The following FAP variants were observed in gnomAD, a reference collection of about 807,000 sequenced individuals.
The protein encoded by FAP is fibroblast activation protein alpha.
Under a neutral mutation model 126.5 loss-of-function variants are expected in FAP, and 110 were observed. That is an observed-to-expected ratio of 0.87 (90% CI 0.74 to 1.02). The LOEUF is 1.02. FAP is among the 50% of genes least tolerant of loss of function. The pLI is 0.00. For synonymous variants in FAP, 334 were observed against 297.3 expected, an observed-to-expected ratio of 1.12 and a Z score of -1.27; for missense variants, 919 against 909.2, an observed-to-expected ratio of 1.01 and a Z score of -0.14.
intron 19 of FAP, 40 bp from the exon 20 acceptor site, chr2:162,188,403 T>C (rs1687927475): frequency 6.4e-6 from 10 of 1,567,158 alleles, no homozygotes; most frequent in East Asian, 2.3e-5. Flanking sequence ...TTTGATTGCT[T>C]TGTAAAACTC....
chr2:162,197,771 C>T, intron 16 of FAP: 2 of 384,824 alleles, frequency 5.2e-6, no homozygotes, highest in Non-Finnish European at 1.0e-5. Flanking sequence ...GTCAAAGATT[C>T]CATTTGTTCT....
intron 2 of FAP, among the ~76,000 whole-genome samples, chr2:162,234,955 G>A (rs910658646): frequency 1.3e-5 from 2 of 152,124 alleles, no homozygotes; most frequent in African/African-American, 2.4e-5. Context: ...CACTCCCAGC[G>A]GCCCGGGCAG....
intron 2 of FAP, among the ~76,000 whole-genome samples, chr2:162,227,173 G>T (rs1313615256): frequency 6.6e-6 from 1 of 152,116 alleles, no homozygotes; most frequent in Non-Finnish European, 1.5e-5. Flanking sequence ...TCTCAAGAAA[G>T]ACATTATGAA....
intron 20 of FAP, among the ~76,000 whole-genome samples, chr2:162,186,030 G>T (rs769426533): frequency 2.0e-5 from 3 of 152,100 alleles, no homozygotes; most frequent in Non-Finnish European, 2.9e-5. Flanking sequence ...TTTGCATGGG[G>T]CCACGCAGCT....
chr2:162,201,971 A>G (rs543894381), intron 14 of FAP, among the ~76,000 whole-genome samples: 1 of 152,330 alleles, frequency 6.6e-6, no homozygotes, highest in South Asian at 2.1e-4. Context: ...TGCTCCAAAG[A>G]AAGTCCAAAC....
chr2:162,181,644 C>T (rs1477875882), intron 21 of FAP, among the ~76,000 whole-genome samples: 4 of 152,200 alleles, frequency 2.6e-5, no homozygotes, highest in Non-Finnish European at 5.9e-5. Context: ...TCTTGTCCCC[C>T]TGTACTCCAC....
intron 17 of FAP, 81 bp from the exon 18 acceptor site, chr2:162,189,835 T>C (rs930708070): frequency 2.7e-6 from 2 of 739,242 alleles, no homozygotes; most frequent in African/African-American, 1.8e-5. Context: ...TTGACTTCAA[T>C]ATGGGTGAAA....
chr2:162,232,813 A>T (rs938277891), intron 2 of FAP, among the ~76,000 whole-genome samples: 1 of 152,224 alleles, frequency 6.6e-6, no homozygotes, highest in African/African-American at 2.4e-5. Flanking sequence ...AGATCATAAG[A>T]TATAATCAAC....
At chr2:162,220,507 G>T (rs920416236) in intron 6 of FAP, among the ~76,000 whole-genome samples, 1 of 152,142 alleles carries the variant, frequency 6.6e-6, no homozygotes, top group Non-Finnish European at 1.5e-5. Context: ...TCAAATTTTT[G>T]AAAATAAGAT....
rs1689145340 is a variant in FAP at position 162,215,960 on chromosome 2, A to G, written c.804T>C (p.Asp268=). The G allele has an allele frequency of 1.5e-5, 25 of 1,614,136 alleles. No homozygotes were observed. The highest frequency in any genetic ancestry group is 2.1e-5 in the Non-Finnish European group (25 of 1,179,988). Residue 268 remains aspartate (D), a synonymous_variant, in exon 10 of 26, where the codon GAT becomes GAC. Coordinates refer to ENST00000188790, the MANE Select transcript of FAP (RefSeq NM_004460.5). Reference sequence around the variant, plus strand: ...GACCTACATACGCAGGGTAAGTGGTATCGATAATAAATATCCGAACAACGG... The same window carrying G: ...GACCTACATACGCAGGGTAAGTGGTGTCGATAATAAATATCCGAACAACGG... ...KNPVVRIFII[D]TTYPAYVGPQ...
intron 12 of FAP, among the ~76,000 whole-genome samples, 175 bp from the exon 13 acceptor site, chr2:162,203,320 G>A (rs2106249053): frequency 6.6e-6 from 1 of 152,318 alleles, no homozygotes; most frequent in East Asian, 1.9e-4. Flanking sequence ...AACAGCTTAT[G>A]TAGTGATTCT....
intron 7 of FAP, 22 bp downstream of exon 7, chr2:162,219,831 C>T: frequency 1.3e-6 from 2 of 1,545,468 alleles, no homozygotes; most frequent in African/African-American, 2.7e-5. Flanking sequence ...TGATTAAACA[C>T]TTCAAAAATT....
chr2:162,230,821 A>T (rs1689867984), intron 2 of FAP, among the ~76,000 whole-genome samples: 1 of 152,098 alleles, frequency 6.6e-6, no homozygotes, highest in Admixed American at 6.6e-5. Flanking sequence ...ATTCTTCTGC[A>T]AAGGTTCAGA....
intron 12 of FAP, among the ~76,000 whole-genome samples, chr2:162,205,510 TTTTTTTTA>T (rs1292072652): frequency 8.6e-5 from 13 of 151,878 alleles, no homozygotes; most frequent in African/African-American, 1.2e-4. Flanking sequence ...AATGTCTCCC[TTTTTTTTA>T]TTTTTTTATT....
chr2:162,190,325 T>C (rs1275449215), intron 17 of FAP, among the ~76,000 whole-genome samples: 1 of 152,076 alleles, frequency 6.6e-6, no homozygotes, highest in Non-Finnish European at 1.5e-5. Context: ...ATTAGTTGTA[T>C]GCTATTCTTT....
intron 21 of FAP, among the ~76,000 whole-genome samples, chr2:162,179,810 A>ATTTTT (rs1186933075): frequency 2.4e-3 from 261 of 107,106 alleles, no homozygotes; most frequent in African/African-American, 7.4e-3. Flanking sequence ...ATATATATAT[A>ATTTTT]TATTTTTTTT....
chr2:162,215,915 TG>T lies in FAP; in HGVS notation c.848del (p.Pro283GlnfsTer3), dbSNP rs763016334. On this transcript the variant is annotated frameshift_variant, in exon 10 of 26. Transcript: ENST00000188790. LOFTEE classifies it high-confidence loss of function. Reference sequence around the variant, plus strand: ...TGAACTACCTTGAGGCTATCATTGCTGGAACAGGCACTTCCTGGGGACCTAC... The same window carrying T: ...TGAACTACCTTGAGGCTATCATTGCTGAACAGGCACTTCCTGGGGACCTAC... Reference protein sequence around the residue: ...AYVGPQEVPVPAMIASSDYYF... With the variant: ...AYVGPQEVPVXAMIASSDYYF... 6.2e-7 allele frequency: 1 copy of T among 1,613,496 alleles called. No individual in the cohort carries two copies. Among genetic ancestry groups the T allele is most frequent in the Non-Finnish European group, 8.5e-7 (1 of 1,179,408 alleles).
intron 16 of FAP, chr2:162,198,232 C>T: frequency 7.8e-7 from 1 of 1,289,758 alleles, no homozygotes; most frequent in Non-Finnish European, 1.0e-6. Context: ...CCCATTGAAA[C>T]TACAGTTTGA....
chr2:162,221,576 G>A, intron 6 of FAP: 1 of 417,228 alleles, frequency 2.4e-6, no homozygotes, highest in Non-Finnish European at 4.8e-6. Context: ...TTGTTCTCAA[G>A]CTAGTGCTCA....
Sources: gnomAD v4.1 joint callset for allele counts (sites outside exome capture counted in the v4.1 genomes callset) on GRCh38, gnomAD v4.1.1 for gene constraint, MANE v1.5 for transcripts, NCBI Gene and HGNC (gene_info 2026-07-23, HGNC 2026-07-21) for gene names.